Variants in PRPF6 observed in about 807,000 individuals in gnomAD.
The protein encoded by PRPF6 is pre-mRNA-processing factor 6.
In PRPF6, 42 loss-of-function variants were observed where a neutral mutation model predicts 118.3. The observed-to-expected ratio is 0.35, with a 90% CI of 0.28 to 0.46. PRPF6 has a LOEUF of 0.46. Ranked by LOEUF, PRPF6 falls within the 20% of genes least tolerant of loss-of-function variation. The pLI is 1.00. For missense variants in PRPF6, 662 were observed against 1,255.7 expected (o/e 0.53, Z 7.15); for synonymous variants, 481 against 485.1 (o/e 0.99, Z 0.11).
Position 64,017,090 on chromosome 20 carries a change from G to A in PRPF6, c.1647+245G>A, listed in dbSNP as rs1452796621. On this transcript the variant is annotated intron_variant, in intron 12 of 20. Coordinates refer to ENST00000266079, the MANE Select transcript of PRPF6 (RefSeq NM_012469.4). The stretch of plus-strand genomic sequence containing the variant: ...CCCGAGTAGCTGGGACTACAGGCAT[G>A]TGCCACCACGCCCAGCTAATTTTTT... Among the ~76,000 whole-genome samples the A allele has an allele frequency of 2.0e-5, 3 of 152,280 alleles. No individual in the cohort carries two copies. In the East Asian group the frequency reaches 5.8e-4, roughly 29 times the overall value.
chr20:63,993,436 A>G lies in PRPF6; in HGVS notation c.389A>G (p.Lys130Arg). 6.2e-7 allele frequency: 1 copy of G among 1,612,974 alleles called. No homozygotes were observed. The highest frequency in any genetic ancestry group is 8.5e-7 in the Non-Finnish European group (1 of 1,179,234). The change falls in exon 4 of 21, where the codon AAA (lysine) becomes AGA (arginine). Residue 130 changes from lysine (K) to arginine (R), a missense_variant. Lys to Arg is a conservative substitution (Grantham distance 26, BLOSUM62 2). Transcript: ENST00000266079. ...REQREKEEIE[K>R]YRMERPKIQQ... The stretch of plus-strand genomic sequence containing the variant: ...CAAAGGGAGAAAGAAGAAATAGAGA[A>G]ATATCGTATGGAACGCCCCAAAATC...
rs1569227873 is a variant in PRPF6 at position 64,032,887 on chromosome 20, G to A, written c.2720G>A (p.Arg907Gln). ...VRKRCESAEP[R>Q]HGELWCAVSK... Reference sequence around the variant, plus strand: ...AAGCGCTGTGAGAGTGCAGAGCCTCGGCATGGGGAGCTGTGGTGCGCCGTG... The same window carrying A: ...AAGCGCTGTGAGAGTGCAGAGCCTCAGCATGGGGAGCTGTGGTGCGCCGTG... Residue 907 changes from arginine to glutamine, a missense_variant, in exon 21 of 21, where the codon CGG (arginine) becomes CAG (glutamine). Transcript: ENST00000266079. 4 of 1,612,970 alleles carry A rather than the reference G, an allele frequency of 2.5e-6. No homozygotes were observed. The highest frequency in any genetic ancestry group is 3.4e-6 in the Non-Finnish European group (4 of 1,179,926).
At chr20:64,001,032 T>G (rs751591861) in intron 8 of PRPF6, 45 bp from the exon 9 acceptor site, 4 of 1,606,382 alleles carry the variant, frequency 2.5e-6, no homozygotes, top group Middle Eastern at 1.7e-4. Flanking sequence ...TGTTGCGGCT[T>G]CCAGCCTGCA....
chr20:63,993,539 C>G, intron 4 of PRPF6, 54 bp downstream of exon 4: 1 of 1,431,966 alleles, frequency 7.0e-7, no homozygotes. Flanking sequence ...TCACCCTAAC[C>G]CGCAGAGACT....
chr20:63,984,186 C>T (rs62218084), intron 2 of PRPF6, among the ~76,000 whole-genome samples: 4 of 151,938 alleles, frequency 2.6e-5, no homozygotes, highest in Admixed American at 6.6e-5. Flanking sequence ...TTTTGGAGGC[C>T]GAGGTGGGCG....
chr20:64,029,936 T>C lies in PRPF6; in HGVS notation c.2546+445T>C, dbSNP rs1380290941. On this transcript the variant is annotated intron_variant, in intron 19 of 20. Coordinates refer to ENST00000266079, the MANE Select transcript of PRPF6 (RefSeq NM_012469.4). This position sits in a 1 kb window ranked among gnomAD's most constrained non-coding sequence, Gnocchi z 4.8. Reference sequence around the variant, plus strand: ...TGGGGACACATGTGATTCACACTGGTGTGCTGGCCGCCGGGTCAGAGACTC... The same window carrying C: ...TGGGGACACATGTGATTCACACTGGCGTGCTGGCCGCCGGGTCAGAGACTC... 1.3e-5 allele frequency among the ~76,000 whole-genome samples: 2 copies of C among 150,046 alleles called. No homozygotes were observed. The highest frequency in any genetic ancestry group is 3.9e-4 in the East Asian group (2 of 5,100).
intron 9 of PRPF6, among the ~76,000 whole-genome samples, chr20:64,002,901 C>G (rs2059174353): frequency 6.6e-6 from 1 of 151,472 alleles, no homozygotes; most frequent in Admixed American, 6.6e-5. Context: ...ACCTCGACCT[C>G]CCAAAGTGCT....
Position 63,983,322 on chromosome 20 carries a change from A to C in PRPF6, c.240+107A>C, listed in dbSNP as rs577190225. 4 of 1,411,502 alleles carry C rather than the reference A, an allele frequency of 2.8e-6. No homozygotes were observed. The South Asian group carries it at 3.5e-5, about 12-fold the overall frequency. 87.4% of individuals were successfully genotyped at this position (1,411,502 alleles called of 1,614,324 possible). A position where few individuals can be genotyped will look rare whatever the true frequency, so the allele number is the denominator to read the frequency against. On this transcript the variant is annotated intron_variant, in intron 2 of 20. Transcript: ENST00000266079. ...ATGAATGGCTTGGAGTGGCTCATGC[A>C]TTTAAATTTTAGCTATTCATGGAAC...
chr20:64,007,341 G>A (rs1364629060), intron 9 of PRPF6, among the ~76,000 whole-genome samples: 1 of 151,982 alleles, frequency 6.6e-6, no homozygotes, highest in Non-Finnish European at 1.5e-5. Flanking sequence ...GGTACCTGCA[G>A]GAGAGCTAGC....
intron 3 of PRPF6, among the ~76,000 whole-genome samples, chr20:63,987,256 C>T (rs1056430444): frequency 1.1e-4 from 16 of 150,352 alleles, no homozygotes; most frequent in African/African-American, 3.2e-4. Flanking sequence ...CCTGTAATCA[C>T]AGCCCTTTGG....
chr20:63,987,184 A>AG (rs2059098072), intron 3 of PRPF6, among the ~76,000 whole-genome samples: 1 of 145,456 alleles, frequency 6.9e-6, no homozygotes, highest in African/African-American at 2.5e-5. Context: ...AAAAAAAAAA[A>AG]AAAAAGGGGG....
chr20:64,024,000 C>T (rs989932210), intron 13 of PRPF6, among the ~76,000 whole-genome samples: 4 of 152,186 alleles, frequency 2.6e-5, no homozygotes, highest in Admixed American at 1.3e-4. Context: ...GTCTTGCTGT[C>T]GCACTCACTG....
At chr20:63,993,844 G>C (rs2059129807) in intron 4 of PRPF6, among the ~76,000 whole-genome samples, 2 of 151,638 alleles carry the variant, frequency 1.3e-5, no homozygotes, top group Admixed American at 6.6e-5. Context: ...TCACCTCCTA[G>C]GTTCAAGCAA....
Position 64,011,412 on chromosome 20 carries a change from G to A in PRPF6, c.1433G>A (p.Gly478Glu). The A allele has an allele frequency of 6.2e-7, 1 of 1,614,246 alleles. No homozygotes were observed. Among genetic ancestry groups the A allele is most frequent in the Non-Finnish European group, 8.5e-7 (1 of 1,180,056 alleles). ...ITAAKLEEAN[G>E]NTQMVEKIID... ...GCTGCTAAGCTGGAGGAAGCCAATG[G>A]GAACACGCAGATGGTGGAGAAGATC... is the stretch of plus-strand genomic sequence containing the variant. The change falls in exon 11 of 21, where the codon GGG becomes GAG. Residue 478 changes from glycine to glutamate, a missense_variant. Coordinates refer to ENST00000266079, the MANE Select transcript of PRPF6 (RefSeq NM_012469.4). The surrounding 1 kb of genome is among the most constrained non-coding windows in gnomAD (Gnocchi z 6.7).
intron 14 of PRPF6, among the ~76,000 whole-genome samples, 170 bp downstream of exon 14, chr20:64,024,863 G>A (rs2059281408): frequency 6.6e-6 from 1 of 152,162 alleles, no homozygotes; most frequent in South Asian, 2.1e-4. Flanking sequence ...GGGCCCGAGA[G>A]CAGGAAAGCA....
intron 19 of PRPF6, among the ~76,000 whole-genome samples, chr20:64,031,542 G>A (rs560548192): frequency 1.2e-3 from 181 of 151,820 alleles, no homozygotes; most frequent in Non-Finnish European, 2.1e-3. Context: ...GTGTGGTGGC[G>A]CATGCCTGTA....
chr20:64,018,588 G>A (rs1040359299), intron 12 of PRPF6, among the ~76,000 whole-genome samples: 2 of 151,912 alleles, frequency 1.3e-5, no homozygotes, highest in Non-Finnish European at 2.9e-5. Flanking sequence ...AGTTATTTCT[G>A]TGGTGTTTGC....
intron 6 of PRPF6, among the ~76,000 whole-genome samples, chr20:63,996,981 C>T (rs1398148640): frequency 2.6e-5 from 4 of 152,090 alleles, no homozygotes. Flanking sequence ...ATATGTAACA[C>T]AGAATTTACC....
At chr20:64,000,147 C>T (rs970569624) in intron 8 of PRPF6, among the ~76,000 whole-genome samples, 4 of 152,034 alleles carry the variant, frequency 2.6e-5, no homozygotes, top group South Asian at 2.1e-4. Flanking sequence ...ACTGGTTTGA[C>T]GGCAGGCTAA....
Sources: gnomAD v4.1 joint callset for allele counts (sites outside exome capture counted in the v4.1 genomes callset) on GRCh38, gnomAD v4.1.1 for gene constraint, Gnocchi (gnomAD v3.1) non-coding constraint, MANE v1.5 for transcripts, NCBI Gene and HGNC (gene_info 2026-07-23, HGNC 2026-07-21) for gene names.